The following PLEKHA2 variants were observed in gnomAD, a reference collection of about 807,000 sequenced individuals.
PLEKHA2 encodes the protein pleckstrin homology domain containing A2.
A neutral mutation model predicts 53.2 loss-of-function variants in PLEKHA2; 28 were observed. The observed-to-expected ratio is 0.53, with a 90% confidence interval of 0.39 to 0.72. The LOEUF is 0.72. PLEKHA2 is among the 30% of genes least tolerant of loss of function. The pLI is 0.00. For missense variants in PLEKHA2, 426 were observed against 537.9 expected (o/e 0.79, Z 2.06); for synonymous variants, 193 against 196.4 (o/e 0.98, Z 0.14).
chr8:38,916,893 C>CGTA (rs1382442676), intron 1 of PLEKHA2, among the ~76,000 whole-genome samples: 1 of 152,158 alleles, frequency 6.6e-6, no homozygotes, highest in African/African-American at 2.4e-5. Context: ...CCACCAATAC[C>CGTA]GTACAAGGGT....
chr8:38,917,583 C>T (rs1341769776), intron 1 of PLEKHA2, among the ~76,000 whole-genome samples: 2 of 152,164 alleles, frequency 1.3e-5, no homozygotes, highest in Non-Finnish European at 2.9e-5. Flanking sequence ...AATTGGTGGT[C>T]ATACAATTAA....
At chr8:38,919,049 G>T in intron 2 of PLEKHA2, among the ~76,000 whole-genome samples, 1 of 152,268 alleles carries the variant, frequency 6.6e-6, no homozygotes, top group Non-Finnish European at 1.5e-5. Context: ...CAGAGAATGT[G>T]ACCTGGTTCC....
intron 9 of PLEKHA2, among the ~76,000 whole-genome samples, chr8:38,955,947 A>T (rs1834931617): frequency 6.6e-6 from 1 of 152,070 alleles, no homozygotes; most frequent in African/African-American, 2.4e-5. Flanking sequence ...AGTAGCTGGG[A>T]CTATAGATGT....
At chr8:38,964,185 C>T (rs902770357) in intron 10 of PLEKHA2, among the ~76,000 whole-genome samples, 22 of 152,058 alleles carry the variant, frequency 1.4e-4, no homozygotes, top group African/African-American at 4.8e-4. Flanking sequence ...AGCTTTATCC[C>T]CAAAGATGTG....
chr8:38,958,569 C>T (rs1471751643), intron 10 of PLEKHA2, among the ~76,000 whole-genome samples: 1 of 152,190 alleles, frequency 6.6e-6, no homozygotes, highest in Non-Finnish European at 1.5e-5. Flanking sequence ...ACTTAGTCAT[C>T]TCGGGGCTAT....
Position 38,922,814 on chromosome 8 carries a change from C to T in PLEKHA2, c.141+4744C>T, listed in dbSNP as rs554244413. 7.4e-4 allele frequency among the ~76,000 whole-genome samples: 112 copies of T among 152,310 alleles called. No individual in the cohort carries two copies. The highest frequency in any genetic ancestry group is 2.4e-3 in the African/African-American group (99 of 41,568). ...ACATGTGTTACCCCATGGAACCTCTCCATAATCCTGGGGCCTAGGGTCTGT... is the reference window on the plus strand; with the variant it reads ...ACATGTGTTACCCCATGGAACCTCTTCATAATCCTGGGGCCTAGGGTCTGT... On this transcript the variant is annotated intron_variant, in intron 2 of 11. Coordinates refer to ENST00000617275, the MANE Select transcript of PLEKHA2 (RefSeq NM_021623.2). This position sits in a 1 kb window ranked among gnomAD's most constrained non-coding sequence, Gnocchi z 4.0.
intron 2 of PLEKHA2, 47 bp downstream of exon 2, chr8:38,918,117 T>G (rs748426347): frequency 6.3e-7 from 1 of 1,588,318 alleles, no homozygotes; most frequent in East Asian, 2.3e-5. Context: ...TGCCCATCAC[T>G]GCGCCAGAGG....
intron 3 of PLEKHA2, among the ~76,000 whole-genome samples, chr8:38,938,905 T>C (rs973803983): frequency 4.6e-5 from 7 of 151,268 alleles, no homozygotes; most frequent in Admixed American, 3.3e-4. Flanking sequence ...TTTTTCTTTT[T>C]TTTTTTTTTT....
intron 2 of PLEKHA2, among the ~76,000 whole-genome samples, chr8:38,930,999 G>A (rs1462417113): frequency 4.6e-5 from 7 of 152,100 alleles, no homozygotes; most frequent in Non-Finnish European, 1.0e-4. Context: ...AGGTGGCCAG[G>A]AGACATGGTG....
intron 3 of PLEKHA2, among the ~76,000 whole-genome samples, chr8:38,936,498 C>T (rs1834497330): frequency 6.6e-6 from 1 of 152,222 alleles, no homozygotes; most frequent in Non-Finnish European, 1.5e-5. Context: ...TTACCAGTCA[C>T]CTGGACAGGA....
intron 2 of PLEKHA2, among the ~76,000 whole-genome samples, chr8:38,923,426 T>A (rs941984227): frequency 1.3e-5 from 2 of 152,226 alleles, no homozygotes; most frequent in Non-Finnish European, 2.9e-5. Flanking sequence ...AGCCTGGTCT[T>A]GAACTCCTGA....
chr8:38,905,368 G>A (rs1441131818), intron 1 of PLEKHA2, among the ~76,000 whole-genome samples: 1 of 151,940 alleles, frequency 6.6e-6, no homozygotes, highest in Non-Finnish European at 1.5e-5. Context: ...TATAGCAGGA[G>A]GATTTTTTGA....
At position 38,957,946 on chromosome 8, in the gene PLEKHA2, G is replaced by A. The variant is rs114508390; in HGVS notation, c.837+560G>A. ...TCCAAGCAGGGACTAGACTTTCAGG[G>A]CCAAGTCCTAACCCAGCTTGCCTAG... On this transcript the variant is annotated intron_variant, in intron 10 of 11. Coordinates refer to ENST00000617275, the MANE Select transcript of PLEKHA2 (RefSeq NM_021623.2). 2.5e-3 allele frequency among the ~76,000 whole-genome samples: 378 copies of A among 152,308 alleles called. 1 individual carries two copies. The highest frequency in any genetic ancestry group is 8.7e-3 in the African/African-American group (361 of 41,568).
chr8:38,942,467 A>T (rs1296004655), intron 3 of PLEKHA2, among the ~76,000 whole-genome samples: 1 of 152,146 alleles, frequency 6.6e-6, no homozygotes, highest in African/African-American at 2.4e-5. Context: ...AAAACCCCAC[A>T]AACAAATAAA....
chr8:38,952,430 T>C, intron 7 of PLEKHA2, 118 bp downstream of exon 7: 1 of 1,446,930 alleles, frequency 6.9e-7, no homozygotes, highest in Non-Finnish European at 9.3e-7. Flanking sequence ...CCATGGAGCC[T>C]CCACCTTTGA....
rs762207197 is a variant in PLEKHA2, at chr8:38,901,443, G to GC, written c.-26_-25insC. ...GCCCGAGCCCCGGCCCCTGCACGGGGGGGTAAGTTGGGCGCCCTCGCGGGC... is the reference window on the plus strand; with the variant it reads ...GCCCGAGCCCCGGCCCCTGCACGGGGCGGGTAAGTTGGGCGCCCTCGCGGGC... On this transcript the variant is annotated splice_region_variant and 5_prime_UTR_variant, in exon 1 of 12. Transcript: ENST00000617275. 36 of 151,638 alleles carry GC rather than the reference G, an allele frequency of 2.4e-4. No individual in the cohort carries two copies. The highest frequency in any genetic ancestry group is 7.2e-4 in the Admixed American group (11 of 15,248). 9.4% of individuals were successfully genotyped at this position (151,638 alleles called of 1,614,324 possible).
In PLEKHA2 at chr8:38,960,954, AT is replaced by A. The variant is rs754295614; in HGVS notation, c.837+3571del. The A allele has an allele frequency of 2.6e-5, 4 of 152,344 alleles. No individual in the cohort carries two copies. The East Asian group carries it at 7.7e-4, about 29-fold the overall frequency. The allele number at this position is 152,344 out of a possible 1,614,324, so 9.4% of individuals were successfully genotyped here. A position where few individuals can be genotyped will look rare whatever the true frequency, so the allele number is the denominator to read the frequency against. On this transcript the variant is annotated intron_variant, in intron 10 of 11. Transcript: ENST00000617275. The stretch of plus-strand genomic sequence containing the variant: ...TGGTTTTTAACAGTATGCATTGGTC[AT>A]TTGGAAAACAATGGTCTCACTGAGG...
chr8:38,902,178 T>C (rs1403758761), intron 1 of PLEKHA2: 1 of 134,806 alleles, frequency 7.4e-6, no homozygotes, highest in South Asian at 2.4e-4. Flanking sequence ...CTAAAGACGA[T>C]TTCACCAAAA....
At chr8:38,964,983 A>G (rs1439450943) in intron 10 of PLEKHA2, among the ~76,000 whole-genome samples, 2 of 147,512 alleles carry the variant, frequency 1.4e-5, no homozygotes, top group African/African-American at 2.5e-5. Context: ...GCCTCCTAAC[A>G]TTGTGGGATT....
Sources: allele counts gnomAD v4.1 joint callset (sites outside exome capture counted in the v4.1 genomes callset), GRCh38; gene constraint gnomAD v4.1.1; non-coding constraint Gnocchi (gnomAD v3.1); transcripts MANE v1.5; gene names NCBI Gene and HGNC (gene_info 2026-07-23, HGNC 2026-07-21).